DIP2A: variants seen among roughly 807,000 people sequenced by gnomAD.
DIP2A encodes DIP2 acetate--CoA ligase A, also known as disco-interacting protein 2 homolog A.
In DIP2A, 85 loss-of-function variants were observed where a neutral mutation model predicts 177.4. That is an observed-to-expected ratio of 0.48 (90% confidence interval 0.40 to 0.57). DIP2A has a LOEUF of 0.57. DIP2A is among the 20% of genes least tolerant of loss of function. The pLI is 0.00. For synonymous variants in DIP2A, 886 were observed against 881.8 expected (o/e 1.00, Z -0.08); for missense variants, 1,791 against 2,100.2 (o/e 0.85, Z 2.88).
intron 18 of DIP2A, among the ~76,000 whole-genome samples, chr21:46,544,898 G>A (rs902676696): frequency 6.6e-6 from 1 of 152,150 alleles, no homozygotes; most frequent in Non-Finnish European, 1.5e-5. Context: ...CTTATTACAT[G>A]AAGGATGTGT....
rs775840397 is a variant in DIP2A, at chr21:46,558,341, G to A, written c.3917G>A (p.Arg1306His). The A allele has an allele frequency of 1.6e-5, 26 of 1,607,182 alleles. No homozygotes were observed. The highest frequency in any genetic ancestry group is 4.5e-5 in the South Asian group (4 of 89,610). The change falls in exon 32 of 38, where the codon CGC (arginine) becomes CAC (histidine). Residue 1306 changes from arginine to histidine, a missense_variant. Coordinates refer to ENST00000417564, the MANE Select transcript of DIP2A (RefSeq NM_015151.4). ...KLFKDLGLPA[R>H]AVSTTFGCRV... ...TTCAAGGACCTGGGCCTGCCGGCCC[G>A]CGCCGTAAGCACCACGTTCGGGTGC...
intron 8 of DIP2A, among the ~76,000 whole-genome samples, chr21:46,527,330 T>TTG (rs1263324760): frequency 6.9e-6 from 1 of 144,546 alleles, no homozygotes; most frequent in Non-Finnish European, 1.5e-5. Context: ...TTGAGGTTTT[T>TTG]TTTTTTTTTT....
intron 1 of DIP2A, among the ~76,000 whole-genome samples, chr21:46,476,242 C>CA (rs113478198): frequency 0.038 from 5,458 of 144,312 alleles, 148 homozygotes; most frequent in Middle Eastern, 0.078. Context: ...GACTCCGTCT[C>CA]AAAAAAAAAA....
At chr21:46,496,451 G>T (rs1415925285) in intron 3 of DIP2A, among the ~76,000 whole-genome samples, 1 of 152,178 alleles carries the variant, frequency 6.6e-6, no homozygotes, top group African/African-American at 2.4e-5. Context: ...TTTAAAGTCA[G>T]CTGCAATAGT....
chr21:46,468,835 T>C (rs1240629554), intron 1 of DIP2A, among the ~76,000 whole-genome samples: 2 of 152,248 alleles, frequency 1.3e-5, no homozygotes, highest in Admixed American at 6.5e-5. Flanking sequence ...CGAGTTCTTA[T>C]AGGTTAATCA....
rs1225958179 is a variant in DIP2A at position 46,459,232 on chromosome 21, A to G, written c.91+10A>G. 3.3e-6 allele frequency: 5 copies of G among 1,517,682 alleles called. No homozygotes were observed. Among genetic ancestry groups the G allele is most frequent in the Non-Finnish European group, 4.4e-6 (5 of 1,134,144 alleles). The allele number at this position is 1,517,682 out of a possible 1,614,324, so 94.0% of individuals were successfully genotyped here. ...CTGGAGCTGTCGGAAGGTGAGCCGG[A>G]CCCCGCCCTCAACCCCCGCGACCCG... On this transcript the variant is annotated intron_variant, in intron 1 of 37. Coordinates refer to ENST00000417564, the MANE Select transcript of DIP2A (RefSeq NM_015151.4).
At chr21:46,547,674 T>TTC (rs2060112562) in intron 21 of DIP2A, among the ~76,000 whole-genome samples, 1 of 146,918 alleles carries the variant, frequency 6.8e-6, no homozygotes, top group Non-Finnish European at 1.5e-5. Context: ...TTTTTTTTTT[T>TTC]TTTTTTTTAA....
chr21:46,477,439 A>G (rs1248622963), intron 1 of DIP2A, among the ~76,000 whole-genome samples: 2 of 150,920 alleles, frequency 1.3e-5, no homozygotes, highest in African/African-American at 4.9e-5. Context: ...AGACAGGAGA[A>G]TTGCTTGAAC....
intron 3 of DIP2A, among the ~76,000 whole-genome samples, chr21:46,495,135 C>T (rs1458007147): frequency 6.6e-6 from 1 of 151,864 alleles, no homozygotes; most frequent in Admixed American, 6.6e-5. Context: ...CTCTCTCTCT[C>T]CCTCCCTCCC....
At position 46,551,996 on chromosome 21, in the gene DIP2A, G is replaced by C; in HGVS notation, c.3030+92G>C. ...AGTTCATGGTGCCAGTGTCCTGGTTGTTCTCATGTTTAGAGAACAGGGTGC... is the reference window on the plus strand; with the variant it reads ...AGTTCATGGTGCCAGTGTCCTGGTTCTTCTCATGTTTAGAGAACAGGGTGC... On this transcript the variant is annotated intron_variant, in intron 25 of 37. Coordinates refer to ENST00000417564, the MANE Select transcript of DIP2A (RefSeq NM_015151.4). 2.1e-6 allele frequency: 3 copies of C among 1,414,182 alleles called. No homozygotes were observed. In the South Asian group the frequency reaches 3.7e-5, roughly 17 times the overall value. The allele number at this position is 1,414,182 out of a possible 1,614,324, so 87.6% of individuals were successfully genotyped here.
chr21:46,581,062 C>T, the DIP2A span, among the ~76,000 whole-genome samples: 2 of 152,188 alleles, frequency 1.3e-5, no homozygotes, highest in African/African-American at 4.8e-5. Flanking sequence ...CCATTCTCCC[C>T]ATCTCTTCCA....
intron 1 of DIP2A, among the ~76,000 whole-genome samples, chr21:46,473,215 A>C (rs995126250): frequency 6.6e-6 from 1 of 152,158 alleles, no homozygotes; most frequent in Non-Finnish European, 1.5e-5. Flanking sequence ...TCTTGTAAAC[A>C]GATGTCAATT....
the DIP2A span, among the ~76,000 whole-genome samples, chr21:46,577,277 G>A: frequency 6.6e-6 from 1 of 152,166 alleles, no homozygotes; most frequent in Non-Finnish European, 1.5e-5. Flanking sequence ...CTACATTTAA[G>A]TCTTTAATCC....
At position 46,558,141 on chromosome 21, in the gene DIP2A, C is replaced by T. The variant is rs1033385628; in HGVS notation, c.3799-82C>T. The T allele has an allele frequency of 1.7e-5, 25 of 1,430,862 alleles. 1 individual carries two copies. Among genetic ancestry groups the T allele is most frequent in the East Asian group, 7.3e-5 (3 of 40,886 alleles). The allele number at this position is 1,430,862 out of a possible 1,614,324, so 88.6% of individuals were successfully genotyped here. A position where few individuals can be genotyped will look rare whatever the true frequency, so the allele number is the denominator to read the frequency against. On this transcript the variant is annotated intron_variant, in intron 31 of 37. Transcript: ENST00000417564. ...CCAGCTCCACCTCTGTGTGCCCACC[C>T]GGAGATTTCCCAAAACAGTGCCCAG...
chr21:46,468,740 G>GATGTTTATGTTT (rs368323323), intron 1 of DIP2A, among the ~76,000 whole-genome samples: 3 of 152,040 alleles, frequency 2.0e-5, no homozygotes, highest in African/African-American at 7.2e-5. Context: ...TTTTAGAGAT[G>GATGTTTATGTTT]ATGTTTATGT....
chr21:46,502,538 C>T (rs972369105), intron 5 of DIP2A, among the ~76,000 whole-genome samples: 1 of 150,606 alleles, frequency 6.6e-6, no homozygotes, highest in Admixed American at 6.6e-5. Context: ...ACCTCCACCT[C>T]CCGGGTTCAA....
chr21:46,554,576 G>A lies in DIP2A; in HGVS notation c.3156G>A (p.Gly1052=), dbSNP rs371947095. 116 of 1,611,572 alleles carry A rather than the reference G, an allele frequency of 7.2e-5. No individual in the cohort carries two copies. Among genetic ancestry groups the A allele is most frequent in the Non-Finnish European group, 9.4e-5 (111 of 1,179,106 alleles). Residue 1052 remains glycine, a splice_region_variant and synonymous_variant, in exon 27 of 38, where the codon GGG becomes GGA. Transcript: ENST00000417564. ...CACAGCCAGTCCTTGTCTCCACAGG[G>A]GTGGACCTCATTGCCGCGTTCTATG... ...GDHVALVYPP[G]VDLIAAFYGC...
chr21:46,504,625 A>G, intron 6 of DIP2A, 136 bp downstream of exon 6: 1 of 1,056,710 alleles, frequency 9.5e-7, no homozygotes, highest in Non-Finnish European at 1.3e-6. Flanking sequence ...ATAAATAGAA[A>G]CCAGTGTGTG....
At chr21:46,561,645 A>G in intron 33 of DIP2A, 103 bp from the exon 34 acceptor site, 1 of 1,431,780 alleles carries the variant, frequency 7.0e-7, no homozygotes, top group Non-Finnish European at 9.8e-7. Flanking sequence ...GACTGTTGTC[A>G]ACAGACCCTC....
Sources: gnomAD v4.1 joint callset for allele counts (sites outside exome capture counted in the v4.1 genomes callset) on GRCh38, gnomAD v4.1.1 for gene constraint, MANE v1.5 for transcripts, NCBI Gene and HGNC (gene_info 2026-07-23, HGNC 2026-07-21) for gene names.